The following FAM107B variants were observed in gnomAD, a reference collection of about 807,000 sequenced individuals.
The protein encoded by FAM107B is protein FAM107B.
In FAM107B, 21 loss-of-function variants were observed where a neutral mutation model predicts 31.5. That is an observed-to-expected ratio of 0.67 (90% CI 0.47 to 0.96). The LOEUF (loss-of-function observed/expected upper bound fraction) is 0.96. Ranked by LOEUF, FAM107B falls within the 40% of genes least tolerant of loss-of-function variation. The pLI is 0.00. For missense variants in FAM107B, 452 were observed against 377.1 expected (o/e 1.20, Z -1.64); for synonymous variants, 157 against 141.5 (o/e 1.11, Z -0.78).
chr10:14,531,274 C>G (rs1476452135), intron 2 of FAM107B, among the ~76,000 whole-genome samples: 1 of 152,188 alleles, frequency 6.6e-6, no homozygotes, highest in Non-Finnish European at 1.5e-5. Flanking sequence ...AATCCCAGCA[C>G]TTTGGGAGGC....
At chr10:14,581,952 T>C (rs1180210364) in intron 2 of FAM107B, among the ~76,000 whole-genome samples, 1 of 152,162 alleles carries the variant, frequency 6.6e-6, no homozygotes, top group East Asian at 1.9e-4. Flanking sequence ...CCATTTATCA[T>C]AAGGAGACAG....
intron 2 of FAM107B, among the ~76,000 whole-genome samples, chr10:14,665,031 T>A (rs1854371042): frequency 6.6e-6 from 1 of 152,190 alleles, no homozygotes; most frequent in Non-Finnish European, 1.5e-5. Context: ...GACCCAAGCA[T>A]TTTTAAGAAA....
intron 3 of FAM107B, among the ~76,000 whole-genome samples, chr10:14,526,205 G>A (rs542300616): frequency 2.6e-5 from 4 of 152,178 alleles, no homozygotes; most frequent in South Asian, 4.2e-4. Context: ...ACAGAGTCTC[G>A]CTCTATTGCC....
intron 3 of FAM107B, among the ~76,000 whole-genome samples, chr10:14,524,689 T>G (rs1268578500): frequency 6.6e-6 from 1 of 152,246 alleles, no homozygotes; most frequent in Non-Finnish European, 1.5e-5. Context: ...CAAAAAGTCT[T>G]GATATAACAC....
At chr10:14,651,302 T>C (rs1853891097) in intron 2 of FAM107B, among the ~76,000 whole-genome samples, 1 of 152,194 alleles carries the variant, frequency 6.6e-6, no homozygotes, top group African/African-American at 2.4e-5. Flanking sequence ...CTGCCATGTG[T>C]GGATAAGATA....
intron 1 of FAM107B, among the ~76,000 whole-genome samples, chr10:14,742,977 A>G (rs963805082): frequency 6.6e-6 from 1 of 151,632 alleles, no homozygotes; most frequent in South Asian, 2.1e-4. Flanking sequence ...TGGTCTTCCT[A>G]CTTCCTCTTT....
At chr10:14,622,919 T>C (rs1444955523) in intron 2 of FAM107B, among the ~76,000 whole-genome samples, 4 of 152,178 alleles carry the variant, frequency 2.6e-5, no homozygotes, top group Non-Finnish European at 5.9e-5. Context: ...TCCTAATGCA[T>C]TCATTAACTA....
chr10:14,595,628 T>C (rs1359956885), intron 2 of FAM107B, among the ~76,000 whole-genome samples: 2 of 152,102 alleles, frequency 1.3e-5, no homozygotes, highest in South Asian at 2.1e-4. Context: ...TTTCACCTTG[T>C]TGGCCAGGTC....
intron 2 of FAM107B, among the ~76,000 whole-genome samples, chr10:14,536,029 C>T (rs1170996936): frequency 6.6e-6 from 1 of 152,242 alleles, no homozygotes; most frequent in Non-Finnish European, 1.5e-5. Flanking sequence ...GGAAAACTTT[C>T]ACAACTGGGC....
chr10:14,723,137 C>T (rs1332015696), intron 1 of FAM107B: 9 of 439,754 alleles, frequency 2.0e-5, no homozygotes, highest in Non-Finnish European at 3.6e-5. Context: ...GACTTGTGTC[C>T]ACGTTGCTTA....
intron 1 of FAM107B, among the ~76,000 whole-genome samples, chr10:14,747,439 A>C (rs1000156738): frequency 6.6e-6 from 1 of 152,068 alleles, no homozygotes; most frequent in Non-Finnish European, 1.5e-5. Context: ...TCTAGCTTCA[A>C]TCTGTGTGGC....
intron 2 of FAM107B, among the ~76,000 whole-genome samples, chr10:14,621,411 A>G (rs912739811): frequency 6.6e-6 from 1 of 152,206 alleles, no homozygotes; most frequent in African/African-American, 2.4e-5. Context: ...TGTTCAAACT[A>G]TAATATTCCC....
rs180811296 is a variant in FAM107B, at chr10:14,692,281, C to T, written c.412-24590G>A. Among the ~76,000 whole-genome samples the T allele has an allele frequency of 3.3e-3, 505 of 152,212 alleles. 12 individuals are homozygous for T. The highest frequency in any genetic ancestry group is 2.2e-3 in the Non-Finnish European group (147 of 68,006). On this transcript the variant is annotated intron_variant, in intron 1 of 4. Coordinates refer to ENST00000181796, the MANE Select transcript of FAM107B (RefSeq NM_031453.4). ...GCACACCAAAGATGAGCTCCCCTGG[C>T]GGCTCTGCTCCCTTGGAACCATCTA...
At chr10:14,755,012 T>A (rs1210058822) in intron 1 of FAM107B, among the ~76,000 whole-genome samples, 2 of 152,152 alleles carry the variant, frequency 1.3e-5, no homozygotes, top group Non-Finnish European at 2.9e-5. Flanking sequence ...GGGCCAGGAA[T>A]TGAGTCAAGA....
intron 1 of FAM107B, among the ~76,000 whole-genome samples, chr10:14,671,486 G>T (rs563690159): frequency 4.6e-5 from 7 of 152,228 alleles, no homozygotes; most frequent in Admixed American, 1.3e-4. Context: ...TGATGCAAAT[G>T]GCACGAGCTT....
chr10:14,690,141 A>G (rs576102102), intron 1 of FAM107B, among the ~76,000 whole-genome samples: 2 of 152,208 alleles, frequency 1.3e-5, no homozygotes, highest in African/African-American at 2.4e-5. Context: ...GATCACACCA[A>G]TGGGTAATGG....
chr10:14,535,304 G>C (rs1404413953), intron 2 of FAM107B, among the ~76,000 whole-genome samples: 5 of 152,148 alleles, frequency 3.3e-5, no homozygotes, highest in Non-Finnish European at 7.4e-5. Context: ...TGTGTAAAAT[G>C]AATGCTGTAA....
chr10:14,578,084 G>A (rs1418997399), intron 2 of FAM107B, among the ~76,000 whole-genome samples: 1 of 152,130 alleles, frequency 6.6e-6, no homozygotes, highest in Non-Finnish European at 1.5e-5. Flanking sequence ...GGGCGTGCGG[G>A]TACAAAGCTT....
At chr10:14,690,720 G>C (rs903960409) in intron 1 of FAM107B, among the ~76,000 whole-genome samples, 2 of 152,140 alleles carry the variant, frequency 1.3e-5, no homozygotes, top group Admixed American at 1.3e-4. Flanking sequence ...CCAAAGTGCT[G>C]GGATTACAGG....
Sources: gnomAD v4.1 joint callset for allele counts (sites outside exome capture counted in the v4.1 genomes callset) on GRCh38, gnomAD v4.1.1 for gene constraint, MANE v1.5 for transcripts, NCBI Gene and HGNC (gene_info 2026-07-23, HGNC 2026-07-21) for gene names.